Variants in FRAS1 observed in about 807,000 individuals in gnomAD.
FRAS1 encodes Fraser extracellular matrix complex subunit 1.
Under a neutral mutation model 435.2 loss-of-function variants are expected in FRAS1, and 290 were observed. The observed-to-expected ratio is 0.67, with a 90% CI of 0.61 to 0.73. The LOEUF is 0.73. Ranked by LOEUF, FRAS1 falls within the 30% of genes least tolerant of loss-of-function variation. The pLI, the probability that FRAS1 is intolerant of heterozygous loss-of-function variation, is 0.00. For missense variants in FRAS1, 4,860 were observed against 5,001.5 expected (o/e 0.97, Z 0.85); for synonymous variants, 1,800 against 1,851.0 (o/e 0.97, Z 0.71).
chr4:78,267,331 C>T lies in FRAS1; in HGVS notation c.880C>T (p.Gln294Ter), dbSNP rs372184784. The T allele has an allele frequency of 1.9e-6, 3 of 1,613,824 alleles. No individual in the cohort carries two copies. The highest frequency in any genetic ancestry group is 1.7e-6 in the Non-Finnish European group (2 of 1,179,834). The change falls in exon 9 of 74, where the codon CAG (glutamine) becomes TAG (stop). Residue 294 changes from glutamine (Q) to a stop codon, truncating the protein, a stop_gained. Transcript: ENST00000512123. LOFTEE classifies it high-confidence loss of function. ...SCSYDGVVRY[Q>*]DEMWKGSACE... The stretch of plus-strand genomic sequence containing the variant: ...CTCCTATGATGGAGTTGTGCGGTAC[C>T]AGGACGAAATGTGGAAGGGCTCGGC...
intron 2 of FRAS1, among the ~76,000 whole-genome samples, chr4:78,122,146 G>A (rs2109965488): frequency 6.6e-6 from 1 of 152,064 alleles, no homozygotes; most frequent in South Asian, 2.1e-4. Context: ...TCCCCCACAG[G>A]CCCCAGTGTG....
At chr4:78,484,224 A>G (rs997096835) in intron 58 of FRAS1, among the ~76,000 whole-genome samples, 6 of 152,212 alleles carry the variant, frequency 3.9e-5, no homozygotes, top group African/African-American at 1.2e-4. Flanking sequence ...ATATGTGAGT[A>G]GTTCATTCCA....
intron 47 of FRAS1, among the ~76,000 whole-genome samples, chr4:78,453,494 T>C (rs1180780305): frequency 6.6e-6 from 1 of 152,130 alleles, no homozygotes; most frequent in East Asian, 1.9e-4. Context: ...TGACAAGAGA[T>C]ATTTGCTGAA....
chr4:78,482,302 G>C, intron 57 of FRAS1, 86 bp from the exon 58 acceptor site: 2 of 1,466,732 alleles, frequency 1.4e-6, no homozygotes, highest in Non-Finnish European at 1.9e-6. Flanking sequence ...ACCAAAGACA[G>C]GCAAGTTGTG....
chr4:78,156,021 C>T (rs74995858), intron 2 of FRAS1, among the ~76,000 whole-genome samples: 4,279 of 152,278 alleles, frequency 0.028, 78 homozygotes, highest in Non-Finnish European at 0.046. Flanking sequence ...CCTTTGTGCT[C>T]ATCATGCTTG....
chr4:78,414,006 C>T (rs1733456967), intron 32 of FRAS1, among the ~76,000 whole-genome samples: 1 of 152,168 alleles, frequency 6.6e-6, no homozygotes, highest in Admixed American at 6.5e-5. Flanking sequence ...CACACAATTA[C>T]ACTCCAAAGT....
chr4:78,306,866 G>A (rs237680), intron 14 of FRAS1, among the ~76,000 whole-genome samples: 11,656 of 152,230 alleles, frequency 0.077, 1,449 homozygotes, highest in African/African-American at 0.27. Flanking sequence ...CTTTCAGCTC[G>A]TCAAAGTCAT....
intron 2 of FRAS1, among the ~76,000 whole-genome samples, chr4:78,089,275 G>C (rs7670386): frequency 0.81 from 107,419 of 133,260 alleles, 43,397 homozygotes; most frequent in East Asian, 0.95. Context: ...ACTGGGGCCT[G>C]TTGTGTGGTG....
chr4:78,236,951 G>A (rs1475475980), intron 2 of FRAS1, among the ~76,000 whole-genome samples: 1 of 152,062 alleles, frequency 6.6e-6, no homozygotes, highest in East Asian at 1.9e-4. Flanking sequence ...CCAGCACCCA[G>A]CCAGGCACAA....
intron 14 of FRAS1, among the ~76,000 whole-genome samples, chr4:78,305,666 C>G (rs1467899133): frequency 2.0e-5 from 3 of 150,356 alleles, no homozygotes; most frequent in African/African-American, 7.4e-5. Flanking sequence ...TCTGTTTTGT[C>G]AGAGACTAGG....
chr4:78,493,841 C>A (rs1241259799), intron 59 of FRAS1, among the ~76,000 whole-genome samples: 2 of 151,898 alleles, frequency 1.3e-5, no homozygotes, highest in Non-Finnish European at 2.9e-5. Flanking sequence ...CTAAACATGG[C>A]TGCACCAGAA....
chr4:78,263,603 G>GA (rs1184369452), intron 6 of FRAS1, among the ~76,000 whole-genome samples: 1 of 152,136 alleles, frequency 6.6e-6, no homozygotes, highest in African/African-American at 2.4e-5. Flanking sequence ...TAAAGTTGCT[G>GA]AATAGTGTAA....
chr4:78,156,194 T>C (rs1720874158), intron 2 of FRAS1, among the ~76,000 whole-genome samples: 1 of 152,184 alleles, frequency 6.6e-6, no homozygotes, highest in African/African-American at 2.4e-5. Context: ...TGGGACTAAA[T>C]TGGAAAACTA....
At chr4:78,375,433 C>A (rs745980545) in intron 25 of FRAS1, among the ~76,000 whole-genome samples, 1 of 152,194 alleles carries the variant, frequency 6.6e-6, no homozygotes, top group Non-Finnish European at 1.5e-5. Flanking sequence ...GAGGAGGAAG[C>A]GTACCTAGAA....
Position 78,210,511 on chromosome 4 carries a change from A to G in FRAS1, c.109-26999A>G, listed in dbSNP as rs545159246. ...TCTTACGAAGGTGCCCTGATTTGTA[A>G]TAAATGACAGTTATATTTTCGGGCT... On this transcript the variant is annotated intron_variant, in intron 2 of 73. Coordinates refer to ENST00000512123, the MANE Select transcript of FRAS1 (RefSeq NM_025074.7). Among the ~76,000 whole-genome samples, 7 of 152,286 alleles carry G rather than the reference A, an allele frequency of 4.6e-5. No individual in the cohort carries two copies. The South Asian group carries it at 6.2e-4, about 14-fold the overall frequency.
intron 29 of FRAS1, among the ~76,000 whole-genome samples, chr4:78,387,940 T>TAAG (rs1331437420): frequency 6.6e-6 from 1 of 152,196 alleles, no homozygotes; most frequent in Non-Finnish European, 1.5e-5. Flanking sequence ...GGTACTGCCA[T>TAAG]AAGAACGTGT....
At chr4:78,240,441 G>C (rs1724951181) in intron 3 of FRAS1, among the ~76,000 whole-genome samples, 1 of 152,106 alleles carries the variant, frequency 6.6e-6, no homozygotes, top group Non-Finnish European at 1.5e-5. Flanking sequence ...GAAAGGAAAA[G>C]GAGAAACGAC....
rs112232078 is a variant in FRAS1 at position 78,496,794 on chromosome 4, A to G, written c.8959-11A>G. On this transcript the variant is annotated splice_polypyrimidine_tract_variant and intron_variant, in intron 59 of 73. Transcript: ENST00000512123. ...TGAAAATTTTAATCTGTCTTGTGCC[A>G]TTGGCTCTAGGTGAAGAACTGTACG... The G allele has an allele frequency of 2.5e-3, 3,971 of 1,607,954 alleles. 52 individuals are homozygous for G. The African/African-American group carries it at 0.03, about 12-fold the overall frequency.
chr4:78,436,558 A>G (rs988146482), intron 38 of FRAS1, among the ~76,000 whole-genome samples: 3 of 152,204 alleles, frequency 2.0e-5, no homozygotes, highest in African/African-American at 7.2e-5. Flanking sequence ...TATTGAAACA[A>G]ACCAAATGCC....
Sources: gnomAD v4.1 joint callset for allele counts (sites outside exome capture counted in the v4.1 genomes callset) on GRCh38, gnomAD v4.1.1 for gene constraint, MANE v1.5 for transcripts, NCBI Gene and HGNC (gene_info 2026-07-23, HGNC 2026-07-21) for gene names.